TAF4: variants seen among roughly 807,000 people sequenced by gnomAD.
The protein encoded by TAF4 is transcription initiation factor TFIID subunit 4.
A neutral mutation model predicts 90.3 loss-of-function variants in TAF4; 9 were observed. The observed-to-expected ratio is 0.10, with a 90% confidence interval of 0.06 to 0.17. The LOEUF (loss-of-function observed/expected upper bound fraction) is 0.17. TAF4 is among the 10% of genes least tolerant of loss of function. TAF4 has a pLI of 1.00. For synonymous variants in TAF4, 818 were observed against 638.9 expected, an observed-to-expected ratio of 1.28 and a Z score of -4.23; for missense variants, 1,351 against 1,370.7, an observed-to-expected ratio of 0.99 and a Z score of 0.23.
chr20:62,065,487 G>A lies in TAF4; in HGVS notation c.324C>T (p.Pro108=), dbSNP rs1421840073. ...GGGGPQRPGP[P]SPRRPLVPAG... is the part of the protein sequence containing the mutation. ...CGGGGACAAGGGGGCGGCGCGGTGA[G>A]GGGGGGCCCGGGCGCTGCGGCCCCC... The change falls in exon 1 of 15, where the codon CCC becomes CCT. Residue 108 remains proline (P), a synonymous_variant. Coordinates refer to ENST00000252996, the MANE Select transcript of TAF4 (RefSeq NM_003185.4). The A allele has an allele frequency of 3.1e-6, 3 of 964,614 alleles. No homozygotes were observed. The highest frequency in any genetic ancestry group is 3.7e-6 in the Non-Finnish European group (3 of 814,450). The allele number at this position is 964,614 out of a possible 1,614,324, so 59.8% of individuals were successfully genotyped here.
rs1474235286 is a variant in TAF4, at chr20:62,064,733, TCTGCGCCGCCGGGGG to T, written c.1063_1077del (p.Pro355_Gln359del). ...CTGGCCGGGCCGCTGGCCGCCAGGG[TCTGCGCCGCCGGGGG>T]CGCCGCCTGCACCACCCTCTTGGGC... On this transcript the variant is annotated inframe_deletion, in exon 1 of 15. Transcript: ENST00000252996. The T allele has an allele frequency of 3.3e-6, 4 of 1,201,364 alleles. No individual in the cohort carries two copies. Among genetic ancestry groups the T allele is most frequent in the Non-Finnish European group, 3.1e-6 (3 of 971,840 alleles). 74.4% of individuals were successfully genotyped at this position (1,201,364 alleles called of 1,614,324 possible).
intron 1 of TAF4, among the ~76,000 whole-genome samples, chr20:62,061,723 G>A (rs1475628261): frequency 1.3e-5 from 2 of 152,130 alleles, no homozygotes; most frequent in Admixed American, 6.6e-5. Flanking sequence ...GTGATCTTGG[G>A]ACAACTGTGT....
At chr20:62,039,147 G>C (rs902874599) in intron 1 of TAF4, among the ~76,000 whole-genome samples, 7 of 152,270 alleles carry the variant, frequency 4.6e-5, no homozygotes, top group Middle Eastern at 3.4e-3. Flanking sequence ...CAAACGACCA[G>C]AACAGCCCTC....
At chr20:62,040,271 G>T (rs1053200950) in intron 1 of TAF4, among the ~76,000 whole-genome samples, 1 of 152,232 alleles carries the variant, frequency 6.6e-6, no homozygotes, top group African/African-American at 2.4e-5. Flanking sequence ...CGCACACCAG[G>T]ATGCTGCTCA....
intron 14 of TAF4, among the ~76,000 whole-genome samples, chr20:61,977,452 G>C (rs1051025778): frequency 6.6e-6 from 1 of 152,232 alleles, no homozygotes; most frequent in African/African-American, 2.4e-5. Context: ...GTGTGTGCCA[G>C]TGGGAGCCTT....
intron 14 of TAF4, among the ~76,000 whole-genome samples, chr20:61,982,564 G>T (rs1293339235): frequency 8.7e-6 from 1 of 114,952 alleles, no homozygotes; most frequent in Non-Finnish European, 1.8e-5. Context: ...CACCCCACCC[G>T]AGAGGAGACA....
At chr20:61,992,249 G>C (rs77265307) in intron 14 of TAF4, among the ~76,000 whole-genome samples, 4 of 152,144 alleles carry the variant, frequency 2.6e-5, no homozygotes, top group Non-Finnish European at 5.9e-5. Flanking sequence ...TAAATGTTTC[G>C]ACAACATAAA....
At chr20:61,991,488 T>C (rs1246386244) in intron 14 of TAF4, among the ~76,000 whole-genome samples, 2 of 150,566 alleles carry the variant, frequency 1.3e-5, no homozygotes, top group East Asian at 1.9e-4. Context: ...CTCAGCAGCA[T>C]TTAGGGAGGC....
intron 12 of TAF4, among the ~76,000 whole-genome samples, chr20:61,998,440 G>C (rs542384808): frequency 6.6e-6 from 1 of 152,140 alleles, no homozygotes; most frequent in Non-Finnish European, 1.5e-5. Context: ...TCTACCAATC[G>C]CAGGCTCTGA....
chr20:62,050,192 G>C (rs1600861882), intron 1 of TAF4, among the ~76,000 whole-genome samples: 1 of 152,192 alleles, frequency 6.6e-6, no homozygotes, highest in Non-Finnish European at 1.5e-5. Flanking sequence ...GTTCTGCACA[G>C]CAGCGACCAG....
Position 61,999,092 on chromosome 20 carries a change from T to A in TAF4, c.2804A>T (p.Glu935Val). Residue 935 changes from glutamate (E) to valine (V), a missense_variant, in exon 12 of 15, where the codon GAG becomes GTG. Transcript: ENST00000252996. Reference sequence around the variant, plus strand: ...CTGTGCCCGGACGTCACTCGCCTGCTCATATCTGTCGTCATCCTATGAAGA... The same window carrying A: ...CTGTGCCCGGACGTCACTCGCCTGCACATATCTGTCGTCATCCTATGAAGA... Reference protein sequence around the residue: ...NFSYKDDDRYEQASDVRAQLK... With the variant: ...NFSYKDDDRYVQASDVRAQLK... 1 of 1,614,154 alleles carries A rather than the reference T, an allele frequency of 6.2e-7. No homozygotes were observed. The highest frequency in any genetic ancestry group is 8.5e-7 in the Non-Finnish European group (1 of 1,180,040).
chr20:61,987,527 T>A (rs1450579331), intron 14 of TAF4, among the ~76,000 whole-genome samples: 1 of 152,140 alleles, frequency 6.6e-6, no homozygotes, highest in South Asian at 2.1e-4. Context: ...TAAAACAAGA[T>A]GCACACACCT....
At position 62,006,757 on chromosome 20, in the gene TAF4, C is replaced by T; in HGVS notation, c.1976G>A (p.Arg659Lys). Residue 659 changes from arginine to lysine, a missense_variant and splice_region_variant, in exon 7 of 15, where the codon AGG (arginine) becomes AAG (lysine). Arg to Lys is a conservative substitution (Grantham distance 26). Transcript: ENST00000252996. The surrounding 1 kb of genome is among the most constrained non-coding windows in gnomAD (Gnocchi z 7.0). Reference protein sequence around the residue: ...PQPYLVPFLKRSLPALRQLTP... With the variant: ...PQPYLVPFLKKSLPALRQLTP... ...CAGCTGTCTCAAGGCGGGTAAGCTCCTCTGGGTGGAAAGACAGACACGAGG... is the reference window on the plus strand; with the variant it reads ...CAGCTGTCTCAAGGCGGGTAAGCTCTTCTGGGTGGAAAGACAGACACGAGG... 1 of 1,500,992 alleles carries T rather than the reference C, an allele frequency of 6.7e-7. No homozygotes were observed. Among genetic ancestry groups the T allele is most frequent in the Non-Finnish European group, 9.0e-7 (1 of 1,115,806 alleles). 93.0% of individuals were successfully genotyped at this position (1,500,992 alleles called of 1,614,324 possible).
chr20:61,980,782 TG>T (rs1426104920), intron 14 of TAF4: 1 of 152,286 alleles, frequency 6.6e-6, no homozygotes, highest in East Asian at 1.9e-4. Flanking sequence ...TCAAAATCAC[TG>T]CAAGTCGGCG....
intron 1 of TAF4, among the ~76,000 whole-genome samples, chr20:62,036,032 TTTAA>T (rs1258083109): frequency 6.7e-6 from 1 of 149,464 alleles, no homozygotes; most frequent in African/African-American, 2.5e-5. Context: ...TCTTTTTTTT[TTTAA>T]AAAAAAAAAA....
intron 1 of TAF4, among the ~76,000 whole-genome samples, chr20:62,063,893 G>A (rs913916773): frequency 6.6e-6 from 1 of 152,254 alleles, no homozygotes; most frequent in Non-Finnish European, 1.5e-5. Flanking sequence ...GAGTTCCCGA[G>A]CCTCAAGGAG....
At chr20:62,038,247 T>C (rs1295559201) in intron 1 of TAF4, among the ~76,000 whole-genome samples, 4 of 151,984 alleles carry the variant, frequency 2.6e-5, no homozygotes, top group African/African-American at 9.7e-5. Flanking sequence ...CAGGATGGTG[T>C]CGATCTCCTG....
chr20:61,994,835 G>A (rs1052796336), intron 14 of TAF4, among the ~76,000 whole-genome samples: 34 of 152,322 alleles, frequency 2.2e-4, no homozygotes, highest in Admixed American at 1.8e-3. Flanking sequence ...AGAAGTCAGG[G>A]GTCGGGCAGA....
intron 14 of TAF4, among the ~76,000 whole-genome samples, chr20:61,997,256 G>C (rs6089593): frequency 6.6e-6 from 1 of 151,984 alleles, no homozygotes; most frequent in East Asian, 1.9e-4. Context: ...ATCCCTATTC[G>C]GATCATTCTT....
Sources: allele counts gnomAD v4.1 joint callset (sites outside exome capture counted in the v4.1 genomes callset), GRCh38; gene constraint gnomAD v4.1.1; non-coding constraint Gnocchi (gnomAD v3.1); transcripts MANE v1.5; gene names NCBI Gene and HGNC (gene_info 2026-07-23, HGNC 2026-07-21).